The following FEZ2 variants were observed in gnomAD, a reference collection of about 807,000 sequenced individuals.
FEZ2 encodes fasciculation and elongation protein zeta-2.
Under a neutral mutation model 40.4 loss-of-function variants are expected in FEZ2, and 51 were observed. The ratio of observed to expected loss-of-function variants is 1.26; its 90% CI spans 1.01 to 1.59. The LOEUF is 1.59. Among genes scored for constraint, FEZ2 ranks in the 40% most tolerant of loss-of-function variants. The probability of loss-of-function intolerance (pLI) is 0.00; values close to 1 mark genes in which losing one functional copy is unlikely to be tolerated. For missense variants in FEZ2, 640 were observed against 438.3 expected, an observed-to-expected ratio of 1.46 and a Z score of -4.11; for synonymous variants, 242 against 172.0, an observed-to-expected ratio of 1.41 and a Z score of -3.18.
At chr2:36,567,834 T>C (rs369811069) in intron 5 of FEZ2, among the ~76,000 whole-genome samples, 162 of 150,742 alleles carry the variant, frequency 1.1e-3, no homozygotes, top group Middle Eastern at 3.4e-3. Flanking sequence ...ATCAGTGAAC[T>C]AGAAGGATAA....
chr2:36,579,853 A>G (rs1239840970), intron 4 of FEZ2, among the ~76,000 whole-genome samples: 1 of 152,196 alleles, frequency 6.6e-6, no homozygotes, highest in Non-Finnish European at 1.5e-5. Context: ...GGACACTGTT[A>G]AAGTCCCAAC....
chr2:36,553,019 T>A lies in FEZ2; in HGVS notation c.*144A>T. 1.6e-6 allele frequency: 1 copy of A among 633,184 alleles called. No homozygotes were observed. Among genetic ancestry groups the A allele is most frequent in the Non-Finnish European group, 2.8e-6 (1 of 354,068 alleles). The allele number at this position is 633,184 out of a possible 1,614,324, so 39.2% of individuals were successfully genotyped here. Reference sequence around the variant, plus strand: ...TTGGTTCTATAATATAAAGAATTAGTGTAGTCAAGATCTGTTAATACTGAA... The same window carrying A: ...TTGGTTCTATAATATAAAGAATTAGAGTAGTCAAGATCTGTTAATACTGAA... On this transcript the variant is annotated 3_prime_UTR_variant, in exon 8 of 8. Coordinates refer to ENST00000405912, the MANE Select transcript of FEZ2 (RefSeq NM_005102.3).
chr2:36,592,778 G>A (rs1233947830), intron 1 of FEZ2, among the ~76,000 whole-genome samples: 3 of 152,038 alleles, frequency 2.0e-5, no homozygotes, highest in African/African-American at 2.4e-5. Context: ...TGGCACCACT[G>A]TACTCCAGCC....
chr2:36,597,774 G>C, intron 1 of FEZ2, 103 bp downstream of exon 1: 2 of 902,524 alleles, frequency 2.2e-6, no homozygotes, highest in Non-Finnish European at 2.9e-6. Flanking sequence ...TCCCGCGTCC[G>C]GGCGGAAGGA....
intron 5 of FEZ2, among the ~76,000 whole-genome samples, chr2:36,562,749 G>C (rs1668126105): frequency 6.6e-6 from 1 of 152,062 alleles, no homozygotes; most frequent in African/African-American, 2.4e-5. Flanking sequence ...AACATCTTAG[G>C]CTTCAGAGTA....
chr2:36,575,333 T>G (rs1668537902), intron 5 of FEZ2, among the ~76,000 whole-genome samples: 1 of 151,910 alleles, frequency 6.6e-6, no homozygotes, highest in Non-Finnish European at 1.5e-5. Flanking sequence ...TACAGGTGCA[T>G]GCCACCACAC....
At chr2:36,560,421 C>A (rs1333578475) in intron 5 of FEZ2, among the ~76,000 whole-genome samples, 1 of 152,152 alleles carries the variant, frequency 6.6e-6, no homozygotes, top group Non-Finnish European at 1.5e-5. Flanking sequence ...CATCTTGCGA[C>A]TTAGACTTTT....
At chr2:36,575,313 T>C (rs1022258921) in intron 5 of FEZ2, among the ~76,000 whole-genome samples, 2 of 151,936 alleles carry the variant, frequency 1.3e-5, no homozygotes, top group African/African-American at 4.8e-5. Flanking sequence ...GACTCCCAAG[T>C]AGTTGGGACT....
At chr2:36,597,766 C>T in intron 1 of FEZ2, 111 bp downstream of exon 1, 1 of 843,626 alleles carries the variant, frequency 1.2e-6, no homozygotes, top group South Asian at 4.1e-5. Flanking sequence ...GCGGGGACTC[C>T]CGCGTCCGGG....
intron 3 of FEZ2, among the ~76,000 whole-genome samples, 158 bp downstream of exon 3, chr2:36,583,195 T>G (rs962162970): frequency 9.9e-5 from 15 of 152,212 alleles, no homozygotes; most frequent in Non-Finnish European, 2.9e-5. Flanking sequence ...CACAAATACT[T>G]ATTTTTCTCT....
intron 5 of FEZ2, among the ~76,000 whole-genome samples, 175 bp downstream of exon 5, chr2:36,578,422 T>C (rs1054643976): frequency 2.0e-5 from 3 of 152,222 alleles, no homozygotes; most frequent in Non-Finnish European, 4.4e-5. Flanking sequence ...GAAAACGACT[T>C]TCTGAAGAAG....
At position 36,598,019 on chromosome 2, in the gene FEZ2, C is replaced by T. The variant is rs780000099; in HGVS notation, c.124G>A (p.Gly42Arg). ...GGGGCCGGGAAACCGTCGGCGCCCC[C>T]ACCCGCCTCGGCCCCCGCCTCCGCC... The part of the protein sequence containing the change: ...PGAEAGAEAG[G>R]GADGFPAPAC... The change falls in exon 1 of 8, where the codon GGG becomes AGG. Residue 42 changes from glycine (G) to arginine (R), a missense_variant. Gly to Arg is a moderately radical substitution (Grantham distance 125). Coordinates refer to ENST00000405912, the MANE Select transcript of FEZ2 (RefSeq NM_005102.3). 1.3e-6 allele frequency: 2 copies of T among 1,491,782 alleles called. No homozygotes were observed. The highest frequency in any genetic ancestry group is 8.9e-7 in the Non-Finnish European group (1 of 1,123,704). 92.4% of individuals were successfully genotyped at this position (1,491,782 alleles called of 1,614,324 possible). A position where few individuals can be genotyped will look rare whatever the true frequency, so the allele number is the denominator to read the frequency against.
At chr2:36,577,083 A>C (rs769287310) in intron 5 of FEZ2, among the ~76,000 whole-genome samples, 2 of 152,204 alleles carry the variant, frequency 1.3e-5, no homozygotes, top group Non-Finnish European at 2.9e-5. Flanking sequence ...AGTGTCCCTA[A>C]TATTTTAAAG....
chr2:36,554,645 T>C (rs1667907993), intron 7 of FEZ2, among the ~76,000 whole-genome samples: 1 of 152,218 alleles, frequency 6.6e-6, no homozygotes, highest in African/African-American at 2.4e-5. Flanking sequence ...CTCAGTCTGT[T>C]CTACTCCAGT....
chr2:36,589,388 G>T (rs937008087), intron 2 of FEZ2, among the ~76,000 whole-genome samples: 16 of 152,196 alleles, frequency 1.1e-4, no homozygotes, highest in African/African-American at 3.9e-4. Flanking sequence ...TTCCGTGCAG[G>T]AATTTAGGCC....
chr2:36,560,944 T>A, intron 5 of FEZ2: 1 of 824,812 alleles, frequency 1.2e-6, no homozygotes, highest in Non-Finnish European at 1.9e-6. Context: ...TGTACCATGA[T>A]GACTTATGTG....
rs553446587 is a variant in FEZ2 at position 36,576,570 on chromosome 2, C to T, written c.903+2027G>A. Among the ~76,000 whole-genome samples the T allele has an allele frequency of 3.5e-4, 53 of 152,284 alleles. 2 individuals carry two copies. The highest frequency in any genetic ancestry group is 1.2e-3 in the African/African-American group (48 of 41,566). The stretch of plus-strand genomic sequence containing the variant: ...ACAGGCGTGAGCCACCGCGCCCGGC[C>T]GCATTTTAGGCTTTAAAAGGATACA... On this transcript the variant is annotated intron_variant, in intron 5 of 7. Coordinates refer to ENST00000405912, the MANE Select transcript of FEZ2 (RefSeq NM_005102.3).
rs769107610 is a variant in FEZ2, at chr2:36,578,871, A to T, written c.635-6T>A. On this transcript the variant is annotated splice_polypyrimidine_tract_variant and splice_region_variant and intron_variant, in intron 4 of 7. Transcript: ENST00000405912. ...CACTGAGAGCCTTTTCACTCCTGTGACCAAAAGCAAAATACAGCAGATATT... is the reference window on the plus strand; with the variant it reads ...CACTGAGAGCCTTTTCACTCCTGTGTCCAAAAGCAAAATACAGCAGATATT... 1 of 1,602,776 alleles carries T rather than the reference A, an allele frequency of 6.2e-7. No individual in the cohort carries two copies. Among genetic ancestry groups the T allele is most frequent in the Admixed American group, 1.7e-5 (1 of 57,780 alleles).
At chr2:36,588,765 A>G (rs1668981851) in intron 2 of FEZ2, among the ~76,000 whole-genome samples, 1 of 150,970 alleles carries the variant, frequency 6.6e-6, no homozygotes, top group Non-Finnish European at 1.5e-5. Flanking sequence ...TTGTGTTGTT[A>G]TTTTATTGTG....
Sources: gnomAD v4.1 joint callset for allele counts (sites outside exome capture counted in the v4.1 genomes callset) on GRCh38, gnomAD v4.1.1 for gene constraint, MANE v1.5 for transcripts, NCBI Gene and HGNC (gene_info 2026-07-23, HGNC 2026-07-21) for gene names.